Variants in BTBD17 observed in about 807,000 individuals in gnomAD.
BTBD17 encodes BTB domain containing 17.
Under a neutral mutation model 36.9 loss-of-function variants are expected in BTBD17, and 26 were observed. That is an observed-to-expected ratio of 0.70 (90% CI 0.52 to 0.98). The LOEUF (loss-of-function observed/expected upper bound fraction) is 0.98. Ranked by LOEUF, BTBD17 falls within the 50% of genes least tolerant of loss-of-function variation. BTBD17 has a pLI of 0.00. For missense variants in BTBD17, 630 were observed against 691.3 expected (o/e 0.91, Z 0.99); for synonymous variants, 341 against 338.0 (o/e 1.01, Z -0.10).
intron 2 of BTBD17, among the ~76,000 whole-genome samples, chr17:74,359,458 T>A (rs938579526): frequency 1.3e-5 from 2 of 152,068 alleles, no homozygotes; most frequent in African/African-American, 4.8e-5. Flanking sequence ...CTCAGCTCAC[T>A]GCAAACCCAA....
At position 74,357,704 on chromosome 17, in the gene BTBD17, C is replaced by T. The variant is rs2054908545; in HGVS notation, c.390G>A (p.Val130=). 6.5e-7 allele frequency: 1 copy of T among 1,545,536 alleles called. No homozygotes were observed. The highest frequency in any genetic ancestry group is 8.7e-7 in the Non-Finnish European group (1 of 1,146,776). The change falls in exon 3 of 3, where the codon GTG becomes GTA. Residue 130 remains valine, a synonymous_variant. Coordinates refer to ENST00000375366, the MANE Select transcript of BTBD17 (RefSeq NM_001080466.2). This position sits in a 1 kb window ranked among gnomAD's most constrained non-coding sequence, Gnocchi z 8.4. ...IRYLYCGELT[V]LLTQAIPLHR... is the part of the protein sequence containing the mutation. ...GCAGGGGGATGGCCTGGGTCAGCAG[C>T]ACGGTCAGCTCCCCGCAGTACAGGT...
chr17:74,357,095 G>T lies in BTBD17; in HGVS notation c.999C>A (p.Asp333Glu). The T allele has an allele frequency of 6.6e-7, 1 of 1,520,252 alleles. No individual in the cohort carries two copies. Among genetic ancestry groups the T allele is most frequent in the East Asian group, 2.6e-5 (1 of 38,796 alleles). The allele number at this position is 1,520,252 out of a possible 1,614,324, so 94.2% of individuals were successfully genotyped here. A position where few individuals can be genotyped will look rare whatever the true frequency, so the allele number is the denominator to read the frequency against. Residue 333 changes from aspartate to glutamate, a missense_variant, in exon 3 of 3, where the codon GAC becomes GAA. Coordinates refer to ENST00000375366, the MANE Select transcript of BTBD17 (RefSeq NM_001080466.2). This position sits in a 1 kb window ranked among gnomAD's most constrained non-coding sequence, Gnocchi z 8.4. Reference protein sequence around the residue: ...APWVINNPARDDRSTSFQTQL... With the variant: ...APWVINNPAREDRSTSFQTQL... ...GCGTCTGGAAGCTGGTGCTGCGGTC[G>T]TCGCGGGCCGGGTTGTTGATGACCC...
rs771861670 is a variant in BTBD17, at chr17:74,356,728, C to A, written c.1366G>T (p.Val456Phe). The A allele has an allele frequency of 3.7e-6, 6 of 1,600,172 alleles. No homozygotes were observed. In the East Asian group the frequency reaches 1.4e-4, roughly 37 times the overall value. The change falls in exon 3 of 3, where the codon GTT becomes TTT. Residue 456 changes from valine (V) to phenylalanine (F), a missense_variant. Transcript: ENST00000375366. This position sits in a 1 kb window ranked among gnomAD's most constrained non-coding sequence, Gnocchi z 4.3. ...DLQRRNSEYL[V>F]ENALHLHLIV... ...AGGTGCAGGTGCAGGGCGTTCTCAA[C>A]CAGGTACTCGGAGTTGCGCCGCTGC... is the stretch of plus-strand genomic sequence containing the variant.
In BTBD17 at chr17:74,357,810, G is replaced by A. The variant is rs1193614145; in HGVS notation, c.363-79C>T. The stretch of plus-strand genomic sequence containing the variant: ...GATAGATTTTTTAGAGTCCACAGGG[G>A]ACCCGGCCTGGAGTTGGAGCTTCAC... On this transcript the variant is annotated intron_variant, in intron 2 of 2. Transcript: ENST00000375366. This position sits in a 1 kb window ranked among gnomAD's most constrained non-coding sequence, Gnocchi z 8.4. 2 of 1,173,630 alleles carry A rather than the reference G, an allele frequency of 1.7e-6. No individual in the cohort carries two copies. The allele number at this position is 1,173,630 out of a possible 1,614,324, so 72.7% of individuals were successfully genotyped here.
upstream of BTBD17, chr17:74,361,886 C>T: frequency 7.4e-7 from 1 of 1,347,630 alleles, no homozygotes; most frequent in Non-Finnish European, 1.0e-6. Context: ...TCACATCCCT[C>T]TTCCTTATAT....
chr17:74,357,154 G>T lies in BTBD17; in HGVS notation c.940C>A (p.Arg314Ser). ...FDVNGSAFLP[R>S]NYLAPAWGAP... is the part of the protein sequence containing the mutation. ...CCCCAGGCGGGCGCGAGGTAGTTGC[G>T]GGGCAGGAAGGCGCTGCCGTTGACG... Residue 314 changes from arginine (R) to serine (S), a missense_variant, in exon 3 of 3, where the codon CGC becomes AGC. Transcript: ENST00000375366. The surrounding 1 kb of genome is among the most constrained non-coding windows in gnomAD (Gnocchi z 8.4). The T allele has an allele frequency of 6.5e-7, 1 of 1,536,952 alleles. No individual in the cohort carries two copies.
At chr17:74,358,325 T>C (rs1459477901) in intron 2 of BTBD17, among the ~76,000 whole-genome samples, 2 of 152,048 alleles carry the variant, frequency 1.3e-5, no homozygotes, top group Non-Finnish European at 2.9e-5. Context: ...ACCCTATCTC[T>C]ACAAAAAATA....
In BTBD17 at chr17:74,357,754, G is replaced by C; in HGVS notation, c.363-23C>G. 1 of 1,515,096 alleles carries C rather than the reference G, an allele frequency of 6.6e-7. No homozygotes were observed. The highest frequency in any genetic ancestry group is 1.4e-5 in the African/African-American group (1 of 71,904). The allele number at this position is 1,515,096 out of a possible 1,614,324, so 93.9% of individuals were successfully genotyped here. A position where few individuals can be genotyped will look rare whatever the true frequency, so the allele number is the denominator to read the frequency against. On this transcript the variant is annotated intron_variant, in intron 2 of 2. Coordinates refer to ENST00000375366, the MANE Select transcript of BTBD17 (RefSeq NM_001080466.2). This position sits in a 1 kb window ranked among gnomAD's most constrained non-coding sequence, Gnocchi z 8.4. ...TACCTGCGGGAGAGACCGAGAGGTG[G>C]GGCGGGGTCAGGGCGGTACCCACCT...
chr17:74,357,328 G>A lies in BTBD17; in HGVS notation c.766C>T (p.Arg256Cys). The A allele has an allele frequency of 6.4e-7, 1 of 1,555,602 alleles. No individual in the cohort carries two copies. The change falls in exon 3 of 3, where the codon CGC becomes TGC. Residue 256 changes from arginine (R) to cysteine (C), a missense_variant. Arg to Cys is a radical substitution (Grantham distance 180). Transcript: ENST00000375366. This position sits in a 1 kb window ranked among gnomAD's most constrained non-coding sequence, Gnocchi z 8.4. ...AVAERALRAI[R>C]YPMIPPAQLF... ...TGTGCCGGTGGGATCATGGGGTAGC[G>A]TATGGCGCGCAGCGCCCGCTCGGCC...
rs1323991693 is a variant in BTBD17, at chr17:74,357,206, C to T, written c.888G>A (p.Ser296=). 2.5e-6 allele frequency: 4 copies of T among 1,572,866 alleles called. No homozygotes were observed. Among genetic ancestry groups the T allele is most frequent in the Non-Finnish European group, 3.4e-6 (4 of 1,164,118 alleles). The stretch of plus-strand genomic sequence containing the variant: ...CGAAGAACTTGGCGTAGTGCAGCGG[C>T]GACGCGGCGTGGAACTGGTAGGCCT... The part of the protein sequence containing the change: ...LLQAYQFHAA[S]PLHYAKFFDV... Residue 296 remains serine (S), a synonymous_variant, in exon 3 of 3, where the codon TCG becomes TCA. Coordinates refer to ENST00000375366, the MANE Select transcript of BTBD17 (RefSeq NM_001080466.2). This position sits in a 1 kb window ranked among gnomAD's most constrained non-coding sequence, Gnocchi z 8.4.
chr17:74,361,898 GGATCCGGCACAA>G (rs1314949045), upstream of BTBD17: 1 of 1,210,274 alleles, frequency 8.3e-7, no homozygotes, highest in African/African-American at 1.5e-5. Context: ...TCCTTATATA[GGATCCGGCACAA>G]GGGGACGGCA....
At chr17:74,359,837 C>T in intron 2 of BTBD17, 132 bp downstream of exon 2, 1 of 886,276 alleles carries the variant, frequency 1.1e-6, no homozygotes, top group Non-Finnish European at 1.7e-6. Context: ...GCAGGGGTCA[C>T]TGTCATCCCA....
chr17:74,356,769 A>G lies in BTBD17; in HGVS notation c.1325T>C (p.Leu442Pro). The G allele has an allele frequency of 6.2e-7, 1 of 1,602,398 alleles. No homozygotes were observed. Among genetic ancestry groups the G allele is most frequent in the South Asian group, 1.1e-5 (1 of 88,700 alleles). The part of the protein sequence containing the change: ...HQSSEEAGDF[L>P]AHADLQRRNS... ...GCGCCGCTGCAGGTCGGCGTGCGCC[A>G]GGAAGTCGCCGGCCTCCTCGCTGCT... Residue 442 changes from leucine to proline, a missense_variant, in exon 3 of 3, where the codon CTG (leucine) becomes CCG (proline). Coordinates refer to ENST00000375366, the MANE Select transcript of BTBD17 (RefSeq NM_001080466.2). The surrounding 1 kb of genome is among the most constrained non-coding windows in gnomAD (Gnocchi z 4.3).
At position 74,356,471 on chromosome 17, in the gene BTBD17, T is replaced by G; in HGVS notation, c.*186A>C. On this transcript the variant is annotated 3_prime_UTR_variant, in exon 3 of 3. Coordinates refer to ENST00000375366, the MANE Select transcript of BTBD17 (RefSeq NM_001080466.2). This position sits in a 1 kb window ranked among gnomAD's most constrained non-coding sequence, Gnocchi z 4.3. ...ACCAAGAACGTTCCTTCAAGTCAGC[T>G]GTGAAATCAGCTCTTGAAACCAGGC... 1.0e-6 allele frequency: 1 copy of G among 968,330 alleles called. No individual in the cohort carries two copies. The highest frequency in any genetic ancestry group is 4.0e-5 in the South Asian group (1 of 24,854). The allele number at this position is 968,330 out of a possible 1,614,324, so 60.0% of individuals were successfully genotyped here.
rs1470503979 is a variant in BTBD17, at chr17:74,357,173, G to T, written c.921C>A (p.Asn307Lys). ...AGTTGCGGGGCAGGAAGGCGCTGCC[G>T]TTGACGTCGAAGAACTTGGCGTAGT... is the stretch of plus-strand genomic sequence containing the variant. ...PLHYAKFFDVNGSAFLPRNYL... is the reference protein window; with the variant it reads ...PLHYAKFFDVKGSAFLPRNYL... The change falls in exon 3 of 3, where the codon AAC becomes AAA. Residue 307 changes from asparagine (N) to lysine (K), a missense_variant. By Grantham distance (94) the Asn-to-Lys change is moderately conservative. Coordinates refer to ENST00000375366, the MANE Select transcript of BTBD17 (RefSeq NM_001080466.2). This position sits in a 1 kb window ranked among gnomAD's most constrained non-coding sequence, Gnocchi z 8.4. 1.9e-6 allele frequency: 3 copies of T among 1,552,000 alleles called. No individual in the cohort carries two copies. In the Admixed American group the frequency reaches 5.9e-5, roughly 30 times the overall value.
At chr17:74,359,103 G>A (rs1398634475) in intron 2 of BTBD17, among the ~76,000 whole-genome samples, 1 of 152,128 alleles carries the variant, frequency 6.6e-6, no homozygotes, top group African/African-American at 2.4e-5. Flanking sequence ...CACCCCCTGA[G>A]CAGCATCACG....
At chr17:74,358,163 G>T (rs920708722) in intron 2 of BTBD17, among the ~76,000 whole-genome samples, 1 of 152,080 alleles carries the variant, frequency 6.6e-6, no homozygotes, top group Admixed American at 6.5e-5. Flanking sequence ...ACCCCTCAGG[G>T]TTACTGTGAC....
chr17:74,356,890 C>G lies in BTBD17; in HGVS notation c.1204G>C (p.Gly402Arg). The change falls in exon 3 of 3, where the codon GGC becomes CGC. Residue 402 changes from glycine (G) to arginine (R), a missense_variant. Transcript: ENST00000375366. This position sits in a 1 kb window ranked among gnomAD's most constrained non-coding sequence, Gnocchi z 4.3. ...TGGAAGCTCACGCCCGCCGCGTCGC[C>G]GCCGCTGCTGGCCGGCGTCACCACC... is the stretch of plus-strand genomic sequence containing the variant. Reference protein sequence around the residue: ...RLVVTPASSGGDAAGVSFQKT... With the variant: ...RLVVTPASSGRDAAGVSFQKT... The G allele has an allele frequency of 6.8e-7, 1 of 1,480,568 alleles. No homozygotes were observed. The highest frequency in any genetic ancestry group is 8.9e-7 in the Non-Finnish European group (1 of 1,124,848). 91.7% of individuals were successfully genotyped at this position (1,480,568 alleles called of 1,614,324 possible).
chr17:74,356,438 T>C lies in BTBD17; in HGVS notation c.*219A>G. 1 of 711,332 alleles carries C rather than the reference T, an allele frequency of 1.4e-6. No individual in the cohort carries two copies. Among genetic ancestry groups the C allele is most frequent in the Non-Finnish European group, 2.0e-6 (1 of 509,320 alleles). The allele number at this position is 711,332 out of a possible 1,614,324, so 44.1% of individuals were successfully genotyped here. On this transcript the variant is annotated 3_prime_UTR_variant, in exon 3 of 3. Coordinates refer to ENST00000375366, the MANE Select transcript of BTBD17 (RefSeq NM_001080466.2). This position sits in a 1 kb window ranked among gnomAD's most constrained non-coding sequence, Gnocchi z 4.3. Reference sequence around the variant, plus strand: ...CCCTTTACCACTCTGAGCATCGGTTTATTCAGGACCAAGAACGTTCCTTCA... The same window carrying C: ...CCCTTTACCACTCTGAGCATCGGTTCATTCAGGACCAAGAACGTTCCTTCA...
Sources: allele counts gnomAD v4.1 joint callset (sites outside exome capture counted in the v4.1 genomes callset), GRCh38; gene constraint gnomAD v4.1.1; non-coding constraint Gnocchi (gnomAD v3.1); transcripts MANE v1.5; gene names NCBI Gene and HGNC (gene_info 2026-07-23, HGNC 2026-07-21).